LHFPL3: variants seen among roughly 807,000 people sequenced by gnomAD.
LHFPL3 encodes LHFPL tetraspan subfamily member 3 protein.
A neutral mutation model predicts 19.3 loss-of-function variants in LHFPL3; 5 were observed. The observed-to-expected ratio is 0.26, with a 90% CI of 0.14 to 0.54. The LOEUF (loss-of-function observed/expected upper bound fraction) is 0.54. LHFPL3 is among the 20% of genes least tolerant of loss of function. LHFPL3 has a pLI of 0.94. For missense variants in LHFPL3, 249 were observed against 307.4 expected (o/e 0.81, Z 1.42); for synonymous variants, 133 against 126.2 (o/e 1.05, Z -0.36).
intron 1 of LHFPL3, among the ~76,000 whole-genome samples, chr7:104,709,686 C>G (rs915045713): frequency 2.0e-5 from 3 of 151,878 alleles, no homozygotes; most frequent in African/African-American, 7.2e-5. Flanking sequence ...CACATTTCCC[C>G]CTTTTCTATT....
intron 1 of LHFPL3, among the ~76,000 whole-genome samples, chr7:104,650,046 A>C (rs1792002615): frequency 6.6e-6 from 1 of 152,188 alleles, no homozygotes; most frequent in African/African-American, 2.4e-5. Flanking sequence ...GACTTTATCA[A>C]GGGCCCTGTT....
At chr7:104,620,789 G>T (rs1409815119) in intron 1 of LHFPL3, among the ~76,000 whole-genome samples, 1 of 152,186 alleles carries the variant, frequency 6.6e-6, no homozygotes, top group Non-Finnish European at 1.5e-5. Flanking sequence ...TGATCAAAGA[G>T]AAGGCTAAAT....
At chr7:104,870,026 G>C (rs897914091) in intron 2 of LHFPL3, among the ~76,000 whole-genome samples, 1 of 151,750 alleles carries the variant, frequency 6.6e-6, no homozygotes, top group African/African-American at 2.4e-5. Context: ...TCACTCATAG[G>C]TGGGAATTGA....
intron 2 of LHFPL3, among the ~76,000 whole-genome samples, chr7:104,838,416 C>G (rs1475511229): frequency 6.6e-6 from 1 of 152,118 alleles, no homozygotes; most frequent in Non-Finnish European, 1.5e-5. Flanking sequence ...TAAATGAAGT[C>G]TGATTTCATT....
intron 2 of LHFPL3, among the ~76,000 whole-genome samples, chr7:104,900,746 A>G (rs559157958): frequency 6.6e-6 from 1 of 152,344 alleles, no homozygotes; most frequent in African/African-American, 2.4e-5. Context: ...CAATAGGGCC[A>G]TTATAAATGC....
intron 2 of LHFPL3, among the ~76,000 whole-genome samples, chr7:104,780,237 G>C (rs1474559774): frequency 6.6e-6 from 1 of 151,888 alleles, no homozygotes; most frequent in Non-Finnish European, 1.5e-5. Context: ...CAGGAACGAA[G>C]AAGCCTTGAA....
At chr7:104,438,503 A>G (rs1444622912) in intron 1 of LHFPL3, among the ~76,000 whole-genome samples, 1 of 152,234 alleles carries the variant, frequency 6.6e-6, no homozygotes, top group Non-Finnish European at 1.5e-5. Context: ...TTGAGGTTTA[A>G]TTTGTGCATG....
At chr7:104,417,884 C>CTTTTTTTTTTTTTT (rs762794916) in intron 1 of LHFPL3, among the ~76,000 whole-genome samples, 1 of 117,762 alleles carries the variant, frequency 8.5e-6, no homozygotes, top group African/African-American at 3.4e-5. Flanking sequence ...TCTTCTTCTT[C>CTTTTTTTTTTTTTT]TTTTTTTTTT....
intron 1 of LHFPL3, among the ~76,000 whole-genome samples, chr7:104,683,049 C>T (rs1446117416): frequency 6.6e-6 from 1 of 152,162 alleles, no homozygotes; most frequent in Non-Finnish European, 1.5e-5. Context: ...GAGTTCAGTG[C>T]CGTGATCTCG....
At chr7:104,861,887 G>A (rs1456774022) in intron 2 of LHFPL3, among the ~76,000 whole-genome samples, 2 of 152,148 alleles carry the variant, frequency 1.3e-5, no homozygotes, top group Non-Finnish European at 2.9e-5. Flanking sequence ...ACAAGACCTG[G>A]AATGAGTGCT....
chr7:104,365,797 A>AAAAAAAAAAAAAAAAAAAAAG (rs1554381866), intron 1 of LHFPL3, among the ~76,000 whole-genome samples: 2 of 125,960 alleles, frequency 1.6e-5, no homozygotes, highest in Admixed American at 1.9e-4. Flanking sequence ...CAAAAAAAAA[A>AAAAAAAAAAAAAAAAAAAAAG]AAAAAAAAGA....
At chr7:104,586,017 G>A (rs1309035300) in intron 1 of LHFPL3, among the ~76,000 whole-genome samples, 1 of 151,960 alleles carries the variant, frequency 6.6e-6, no homozygotes, top group Non-Finnish European at 1.5e-5. Context: ...AAACTTTCAT[G>A]GTAATAATTA....
At chr7:104,872,896 G>A (rs765672189) in intron 2 of LHFPL3, among the ~76,000 whole-genome samples, 23 of 152,062 alleles carry the variant, frequency 1.5e-4, no homozygotes, top group Admixed American at 7.2e-4. Flanking sequence ...TAACACAATC[G>A]TTTACTATCA....
At chr7:104,372,572 C>G (rs1262806879) in intron 1 of LHFPL3, among the ~76,000 whole-genome samples, 1 of 152,140 alleles carries the variant, frequency 6.6e-6, no homozygotes, top group African/African-American at 2.4e-5. Flanking sequence ...AAGAAAAGGT[C>G]TAATGGTTAA....
intron 1 of LHFPL3, among the ~76,000 whole-genome samples, chr7:104,392,397 G>A (rs1473520689): frequency 6.6e-6 from 1 of 151,896 alleles, no homozygotes; most frequent in African/African-American, 2.4e-5. Context: ...TAGCATGAAG[G>A]GCTGTTGAAT....
intron 2 of LHFPL3, among the ~76,000 whole-genome samples, chr7:104,830,149 A>C (rs530588740): frequency 6.6e-6 from 1 of 151,884 alleles, no homozygotes; most frequent in African/African-American, 2.4e-5. Context: ...GTGTCTCTTC[A>C]TATCCTTTGC....
chr7:104,429,993 A>G (rs1791924436), intron 1 of LHFPL3, among the ~76,000 whole-genome samples: 1 of 152,178 alleles, frequency 6.6e-6, no homozygotes, highest in Non-Finnish European at 1.5e-5. Context: ...AAAATCAAGG[A>G]GAAATGGCTC....
chr7:104,363,446 C>G (rs1433891787), intron 1 of LHFPL3, among the ~76,000 whole-genome samples: 1 of 152,212 alleles, frequency 6.6e-6, no homozygotes, highest in East Asian at 1.9e-4. Context: ...CCTCAAATCT[C>G]AGTAGTTGAA....
chr7:104,356,715 T>C (rs1047817785), intron 1 of LHFPL3, among the ~76,000 whole-genome samples: 5 of 152,184 alleles, frequency 3.3e-5, no homozygotes, highest in African/African-American at 1.2e-4. Flanking sequence ...CTAGTCATTA[T>C]AGGATCCCAA....
Sources: allele counts gnomAD v4.1 joint callset (sites outside exome capture counted in the v4.1 genomes callset), GRCh38; gene constraint gnomAD v4.1.1; transcripts MANE v1.5; gene names NCBI Gene and HGNC (gene_info 2026-07-23, HGNC 2026-07-21).